The following CEP112 variants were observed in gnomAD, a reference collection of about 807,000 sequenced individuals.
CEP112 encodes the protein centrosomal protein of 112 kDa.
A neutral mutation model predicts 153.0 loss-of-function variants in CEP112; 127 were observed. That is an observed-to-expected ratio of 0.83 (90% CI 0.72 to 0.96). CEP112 has a LOEUF of 0.96. Ranked by LOEUF, CEP112 falls within the 40% of genes least tolerant of loss-of-function variation. CEP112 has a pLI of 0.00. For missense variants in CEP112, 1,089 were observed against 1,101.2 expected (o/e 0.99, Z 0.16); for synonymous variants, 358 against 374.4 (o/e 0.96, Z 0.51).
intron 4 of CEP112, among the ~76,000 whole-genome samples, chr17:66,160,221 T>C (rs2146753106): frequency 6.6e-6 from 1 of 152,256 alleles, no homozygotes; most frequent in East Asian, 1.9e-4. Context: ...AAACAGTCCA[T>C]GCTCATGGAT....
At chr17:66,069,265 C>CACAT (rs935628296) in intron 9 of CEP112, among the ~76,000 whole-genome samples, 2 of 151,740 alleles carry the variant, frequency 1.3e-5, no homozygotes, top group African/African-American at 4.8e-5. Context: ...TTCAAAAAAA[C>CACAT]ACATACATAC....
intron 4 of CEP112, among the ~76,000 whole-genome samples, chr17:66,166,903 CAAAAAAAAAAAA>C (rs10714039): frequency 3.4e-5 from 3 of 88,520 alleles, no homozygotes; most frequent in Non-Finnish European, 6.8e-5. Flanking sequence ...GACTCCATCT[CAAAAAAAAAAAA>C]AAAAAAACAC....
At chr17:66,118,521 C>A (rs1343569947) in intron 6 of CEP112, among the ~76,000 whole-genome samples, 2 of 151,926 alleles carry the variant, frequency 1.3e-5, no homozygotes, top group Non-Finnish European at 2.9e-5. Flanking sequence ...AAAATGAACT[C>A]ATGGAGGTAT....
intron 18 of CEP112, among the ~76,000 whole-genome samples, chr17:65,938,414 T>TAAAAAA (rs1555722412): frequency 1.9e-5 from 1 of 52,888 alleles, no homozygotes; most frequent in African/African-American, 7.4e-5. Flanking sequence ...GAATGATCAA[T>TAAAAAA]AAAAAAAAAA....
chr17:66,141,380 A>T (rs746621798), intron 4 of CEP112, among the ~76,000 whole-genome samples: 3 of 146,790 alleles, frequency 2.0e-5, no homozygotes, highest in Non-Finnish European at 4.5e-5. Flanking sequence ...ACATTTTAGA[A>T]ATTTCTCTTT....
At chr17:66,082,063 C>T (rs1029966626) in intron 8 of CEP112, among the ~76,000 whole-genome samples, 5 of 152,042 alleles carry the variant, frequency 3.3e-5, no homozygotes, top group East Asian at 1.9e-4. Flanking sequence ...TTTTTTACTC[C>T]GGTTTCTCTT....
At chr17:65,748,975 T>G (rs1368411242) in intron 22 of CEP112, among the ~76,000 whole-genome samples, 1 of 152,360 alleles carries the variant, frequency 6.6e-6, no homozygotes, top group African/African-American at 2.4e-5. Flanking sequence ...TGTTAGGATA[T>G]GCCAACTGGG....
chr17:65,874,057 CAT>C (rs2058746464), intron 20 of CEP112, among the ~76,000 whole-genome samples: 2 of 152,148 alleles, frequency 1.3e-5, no homozygotes, highest in Non-Finnish European at 2.9e-5. Context: ...TATATGTATG[CAT>C]ATGTGTACAG....
In CEP112 at chr17:66,129,728, G is replaced by A. The variant is rs778516948; in HGVS notation, c.642+18C>T. 2.6e-6 allele frequency: 4 copies of A among 1,557,606 alleles called. No individual in the cohort carries two copies. Among genetic ancestry groups the A allele is most frequent in the Non-Finnish European group, 3.5e-6 (4 of 1,132,176 alleles). On this transcript the variant is annotated intron_variant, in intron 6 of 26. Coordinates refer to ENST00000535342, the MANE Select transcript of CEP112 (RefSeq NM_001199165.4). ...TTTGACACATCTATATATACATAAAGCAAATACTTTTTTTTACCCCAAGAT... is the reference window on the plus strand; with the variant it reads ...TTTGACACATCTATATATACATAAAACAAATACTTTTTTTTACCCCAAGAT...
At chr17:65,826,320 A>C in intron 21 of CEP112, 2 of 1,613,800 alleles carry the variant, frequency 1.2e-6, no homozygotes, top group Non-Finnish European at 1.7e-6. Flanking sequence ...CCCCATTAAG[A>C]TCTCAGAAGC....
At chr17:65,962,792 C>A (rs1193463549) in intron 17 of CEP112, among the ~76,000 whole-genome samples, 1 of 152,114 alleles carries the variant, frequency 6.6e-6, no homozygotes, top group Non-Finnish European at 1.5e-5. Context: ...TCTCTTTTTG[C>A]CTGCCGCCAT....
intron 22 of CEP112, among the ~76,000 whole-genome samples, chr17:65,748,540 A>G (rs149147912): frequency 6.8e-4 from 103 of 152,168 alleles, no homozygotes; most frequent in African/African-American, 2.5e-3. Context: ...CTCTATGGCA[A>G]TTTTAGTGCT....
intron 17 of CEP112, among the ~76,000 whole-genome samples, chr17:65,975,072 T>C (rs1417646916): frequency 2.6e-5 from 4 of 152,272 alleles, no homozygotes; most frequent in Non-Finnish European, 5.9e-5. Flanking sequence ...GGGGAATAAA[T>C]AACCAAATCA....
At chr17:65,855,883 G>A (rs2058104540) in intron 20 of CEP112, among the ~76,000 whole-genome samples, 1 of 152,066 alleles carries the variant, frequency 6.6e-6, no homozygotes, top group Middle Eastern at 3.2e-3. Flanking sequence ...TGGCAATATA[G>A]TGAGGCTCCT....
intron 20 of CEP112, among the ~76,000 whole-genome samples, chr17:65,866,900 C>A (rs1266737527): frequency 6.6e-6 from 1 of 152,126 alleles, no homozygotes; most frequent in Non-Finnish European, 1.5e-5. Flanking sequence ...TGTCTGCATA[C>A]CTCATTCTTC....
intron 23 of CEP112, among the ~76,000 whole-genome samples, chr17:65,689,892 A>G (rs1567867969): frequency 6.6e-6 from 1 of 152,172 alleles, no homozygotes; most frequent in South Asian, 2.1e-4. Flanking sequence ...TGTAGTTTCC[A>G]TGTGCTATTT....
chr17:66,113,972 T>C (rs900224091), intron 6 of CEP112, among the ~76,000 whole-genome samples: 17 of 152,228 alleles, frequency 1.1e-4, no homozygotes, highest in African/African-American at 4.1e-4. Context: ...TAACATTTTT[T>C]ATGCTCTTTT....
intron 20 of CEP112, among the ~76,000 whole-genome samples, chr17:65,856,399 G>A (rs748557303): frequency 1.1e-4 from 17 of 152,168 alleles, no homozygotes; most frequent in Non-Finnish European, 1.6e-4. Flanking sequence ...CCAAGCTCAA[G>A]CTGATTTGAA....
At chr17:65,908,019 C>A (rs910303788) in intron 19 of CEP112, among the ~76,000 whole-genome samples, 1 of 152,156 alleles carries the variant, frequency 6.6e-6, no homozygotes, top group African/African-American at 2.4e-5. Flanking sequence ...AATAAGCCTT[C>A]TAAGTTAAGG....
Sources: allele counts gnomAD v4.1 joint callset (sites outside exome capture counted in the v4.1 genomes callset), GRCh38; gene constraint gnomAD v4.1.1; transcripts MANE v1.5; gene names NCBI Gene and HGNC (gene_info 2026-07-23, HGNC 2026-07-21).